CTNNA3: variants seen among roughly 807,000 people sequenced by gnomAD.
The protein encoded by CTNNA3 is catenin alpha 3.
Under a neutral mutation model 95.7 loss-of-function variants are expected in CTNNA3, and 76 were observed. The observed-to-expected ratio is 0.79, with a 90% CI of 0.66 to 0.96. The LOEUF (loss-of-function observed/expected upper bound fraction) is 0.96. Ranked by LOEUF, CTNNA3 falls within the 40% of genes least tolerant of loss-of-function variation. CTNNA3 has a pLI of 0.00. For missense variants in CTNNA3, 1,191 were observed against 1,089.8 expected, an observed-to-expected ratio of 1.09 and a Z score of -1.31; for synonymous variants, 431 against 374.4, an observed-to-expected ratio of 1.15 and a Z score of -1.74.
intron 10 of CTNNA3, among the ~76,000 whole-genome samples, chr10:66,538,270 G>T (rs1841728657): frequency 1.3e-5 from 2 of 152,030 alleles, no homozygotes; most frequent in African/African-American, 2.4e-5. Context: ...AAATATTTTT[G>T]TCATAAAAAT....
chr10:67,285,454 A>G (rs765556221), intron 5 of CTNNA3, among the ~76,000 whole-genome samples: 8 of 152,206 alleles, frequency 5.3e-5, no homozygotes, highest in Non-Finnish European at 8.8e-5. Flanking sequence ...TGGGCTAGAC[A>G]CTACCCTTCA....
chr10:66,185,580 C>T (rs1049082874), intron 13 of CTNNA3, among the ~76,000 whole-genome samples: 4 of 151,970 alleles, frequency 2.6e-5, no homozygotes, highest in Non-Finnish European at 4.4e-5. Context: ...ATTTTATTCA[C>T]AGAGAAGCTT....
At chr10:67,493,338 G>T (rs1199179460) in intron 5 of CTNNA3, among the ~76,000 whole-genome samples, 1 of 152,100 alleles carries the variant, frequency 6.6e-6, no homozygotes, top group Non-Finnish European at 1.5e-5. Flanking sequence ...GAGGCGGGTG[G>T]ATCATGAGGT....
intron 6 of CTNNA3, among the ~76,000 whole-genome samples, chr10:67,206,019 T>C (rs1863883265): frequency 6.6e-6 from 1 of 152,152 alleles, no homozygotes; most frequent in Non-Finnish European, 1.5e-5. Context: ...AGTGTCCCTA[T>C]CTCCCAGTTT....
At chr10:65,997,720 A>T (rs986559255) in intron 15 of CTNNA3, among the ~76,000 whole-genome samples, 1 of 152,102 alleles carries the variant, frequency 6.6e-6, no homozygotes, top group African/African-American at 2.4e-5. Context: ...ACTTGCTGTT[A>T]AGTAAAAGAA....
chr10:65,924,216 G>T (rs2077131791), intron 17 of CTNNA3, among the ~76,000 whole-genome samples: 1 of 152,104 alleles, frequency 6.6e-6, no homozygotes, highest in African/African-American at 2.4e-5. Flanking sequence ...GCAAGAGTGG[G>T]TTAGGTATGG....
At chr10:67,250,154 T>C (rs1438102950) in intron 5 of CTNNA3, among the ~76,000 whole-genome samples, 1 of 152,198 alleles carries the variant, frequency 6.6e-6, no homozygotes, top group Non-Finnish European at 1.5e-5. Flanking sequence ...ACAGATTTTT[T>C]TCAACCAAAC....
chr10:67,523,013 A>G (rs1840031358), intron 4 of CTNNA3, among the ~76,000 whole-genome samples: 1 of 152,312 alleles, frequency 6.6e-6, no homozygotes, highest in Middle Eastern at 3.4e-3. Context: ...TATAGAATAT[A>G]ATTAAGTTTC....
At chr10:66,217,767 T>C (rs1243884022) in intron 13 of CTNNA3, among the ~76,000 whole-genome samples, 1 of 152,234 alleles carries the variant, frequency 6.6e-6, no homozygotes, top group Non-Finnish European at 1.5e-5. Flanking sequence ...TTTAGTTATT[T>C]TAGTACTTAC....
At chr10:65,934,253 A>G (rs1212093522) in intron 17 of CTNNA3, among the ~76,000 whole-genome samples, 1 of 152,198 alleles carries the variant, frequency 6.6e-6, no homozygotes, top group Non-Finnish European at 1.5e-5. Context: ...TCAGATGAAG[A>G]CAACGTAATC....
chr10:65,996,369 G>C (rs549544203), intron 15 of CTNNA3, among the ~76,000 whole-genome samples: 6 of 152,126 alleles, frequency 3.9e-5, no homozygotes, highest in African/African-American at 7.2e-5. Context: ...GCAAGTTGCT[G>C]TGTGTTCTAT....
chr10:66,471,242 T>G (rs1332612266), intron 11 of CTNNA3, among the ~76,000 whole-genome samples: 1 of 151,894 alleles, frequency 6.6e-6, no homozygotes, highest in Non-Finnish European at 1.5e-5. Flanking sequence ...ATTATCTCTA[T>G]CATATTTTTA....
intron 10 of CTNNA3, among the ~76,000 whole-genome samples, chr10:66,602,491 T>A (rs1166395822): frequency 6.6e-6 from 1 of 151,848 alleles, no homozygotes; most frequent in Non-Finnish European, 1.5e-5. Context: ...ATACTAATAT[T>A]TAGCTCCACA....
chr10:67,412,135 T>G (rs1244698680), intron 5 of CTNNA3, among the ~76,000 whole-genome samples: 7 of 152,118 alleles, frequency 4.6e-5, no homozygotes, highest in African/African-American at 1.7e-4. Flanking sequence ...AGTTGGCAAA[T>G]GCAACATCCT....
At chr10:66,228,601 A>C (rs1481846159) in intron 13 of CTNNA3, among the ~76,000 whole-genome samples, 3 of 152,134 alleles carry the variant, frequency 2.0e-5, no homozygotes, top group Non-Finnish European at 4.4e-5. Flanking sequence ...TGATGAGAAC[A>C]ATGTGTACTT....
chr10:67,017,160 T>C (rs903538041), intron 7 of CTNNA3, among the ~76,000 whole-genome samples: 7 of 152,218 alleles, frequency 4.6e-5, no homozygotes, highest in African/African-American at 9.6e-5. Flanking sequence ...TATGAAAATA[T>C]GGGATTTAAT....
chr10:66,086,470 G>A (rs1042123440), intron 14 of CTNNA3, among the ~76,000 whole-genome samples: 3 of 151,932 alleles, frequency 2.0e-5, no homozygotes, highest in Non-Finnish European at 4.4e-5. Context: ...CTTAAGCATG[G>A]GCTTTCATGG....
intron 7 of CTNNA3, among the ~76,000 whole-genome samples, chr10:66,968,630 T>C (rs1440343310): frequency 6.6e-6 from 1 of 152,060 alleles, no homozygotes; most frequent in African/African-American, 2.4e-5. Context: ...TCAATACATA[T>C]TCATTAAAAG....
At chr10:66,515,535 C>T (rs1840818931) in intron 11 of CTNNA3, among the ~76,000 whole-genome samples, 2 of 152,014 alleles carry the variant, frequency 1.3e-5, no homozygotes, top group African/African-American at 2.4e-5. Context: ...CAACATATCA[C>T]TCTAAAAGAT....
Sources: gnomAD v4.1 joint callset for allele counts (sites outside exome capture counted in the v4.1 genomes callset) on GRCh38, gnomAD v4.1.1 for gene constraint, MANE v1.5 for transcripts, NCBI Gene and HGNC (gene_info 2026-07-23, HGNC 2026-07-21) for gene names.